RABGAP1: variants seen among roughly 807,000 people sequenced by gnomAD.
The protein encoded by RABGAP1 is rab GTPase-activating protein 1.
A neutral mutation model predicts 137.6 loss-of-function variants in RABGAP1; 23 were observed. The ratio of observed to expected loss-of-function variants is 0.17; its 90% CI spans 0.12 to 0.24. The LOEUF is 0.24. RABGAP1 is among the 10% of genes least tolerant of loss of function. RABGAP1 has a pLI of 1.00. For missense variants in RABGAP1, 906 were observed against 1,275.8 expected (o/e 0.71, Z 4.42); for synonymous variants, 451 against 450.7 (o/e 1.00, Z -0.01).
chr9:123,027,103 CTTTTCT>C (rs1564143165), intron 13 of RABGAP1, among the ~76,000 whole-genome samples: 2 of 136,012 alleles, frequency 1.5e-5, no homozygotes, highest in Non-Finnish European at 3.1e-5. Context: ...TTCTTTCTTT[CTTTTCT>C]TTTTTTTTTT....
chr9:122,959,364 C>A (rs200983062), intron 2 of RABGAP1, among the ~76,000 whole-genome samples: 2,231 of 107,624 alleles, frequency 0.021, no homozygotes, highest in African/African-American at 0.026. Context: ...TGGGGCTTTA[C>A]AAAAAAAAAA....
At chr9:122,935,633 G>A in the RABGAP1 span, among the ~76,000 whole-genome samples, 1 of 152,074 alleles carries the variant, frequency 6.6e-6, no homozygotes, top group East Asian at 1.9e-4. Flanking sequence ...GAGCCACCAC[G>A]CCCAGACAAC....
intron 10 of RABGAP1, among the ~76,000 whole-genome samples, chr9:123,004,052 A>T (rs1016517920): frequency 6.6e-6 from 1 of 152,218 alleles, no homozygotes; most frequent in African/African-American, 2.4e-5. Context: ...CTGAGAGTGT[A>T]TGTGTGTGGT....
At chr9:123,047,611 T>C (rs1007062960) in intron 13 of RABGAP1, among the ~76,000 whole-genome samples, 2 of 152,164 alleles carry the variant, frequency 1.3e-5, no homozygotes, top group Admixed American at 6.5e-5. Flanking sequence ...TTGATACTTA[T>C]TAAGATTCTT....
intron 2 of RABGAP1, among the ~76,000 whole-genome samples, chr9:122,979,280 A>G (rs1336026729): frequency 6.6e-6 from 1 of 152,070 alleles, no homozygotes; most frequent in African/African-American, 2.4e-5. Context: ...GTTTCTTTTT[A>G]TGTGCTTATT....
At chr9:123,038,476 TCC>T (rs749523262) in intron 13 of RABGAP1, among the ~76,000 whole-genome samples, 4 of 151,626 alleles carry the variant, frequency 2.6e-5, no homozygotes, top group Non-Finnish European at 5.9e-5. Flanking sequence ...TAGGAGGGTT[TCC>T]TCAGCTTTTC....
chr9:123,044,773 T>TATC (rs2033131050), intron 13 of RABGAP1, among the ~76,000 whole-genome samples: 1 of 152,128 alleles, frequency 6.6e-6, no homozygotes, highest in Non-Finnish European at 1.5e-5. Flanking sequence ...AGGTGCCTGT[T>TATC]AAATAGATTT....
rs774915346 is a variant in RABGAP1, at chr9:122,957,035, A to G, written c.-25A>G. ...GGCATTAAAAAATATTTAATCATTC[A>G]TGTGTTGAGACTCATTCTTGAGTTA... On this transcript the variant is annotated 5_prime_UTR_variant, in exon 2 of 26. An upstream start codon of the reference 5' UTR is lost. Transcript: ENST00000373647. 30 of 1,447,998 alleles carry G rather than the reference A, an allele frequency of 2.1e-5. No homozygotes were observed. Among genetic ancestry groups the G allele is most frequent in the Middle Eastern group, 3.7e-4 (2 of 5,406 alleles). The allele number at this position is 1,447,998 out of a possible 1,614,324, so 89.7% of individuals were successfully genotyped here.
Position 123,070,531 on chromosome 9 carries a change from C to A in RABGAP1, c.1983+107C>A. The stretch of plus-strand genomic sequence containing the variant: ...ATTGGGTTTGGACAGACTCTTAAGG[C>A]ATGAATTTTAACACCTATAGCTGGA... On this transcript the variant is annotated intron_variant, in intron 15 of 25. Transcript: ENST00000373647. The surrounding 1 kb of genome is among the most constrained non-coding windows in gnomAD (Gnocchi z 4.4). 1 of 1,518,292 alleles carries A rather than the reference C, an allele frequency of 6.6e-7. No individual in the cohort carries two copies. The highest frequency in any genetic ancestry group is 1.4e-5 in the African/African-American group (1 of 71,542). 94.1% of individuals were successfully genotyped at this position (1,518,292 alleles called of 1,614,324 possible).
At chr9:122,997,095 ATAAT>A (rs1211164469) in intron 8 of RABGAP1, 160 bp from the exon 9 acceptor site, 7 of 603,696 alleles carry the variant, frequency 1.2e-5, no homozygotes, top group Admixed American at 9.0e-5. Context: ...AGTTGCATAA[ATAAT>A]TGTCACATTT....
Position 123,090,396 on chromosome 9 carries a change from C to G in RABGAP1, c.2628+11C>G, listed in dbSNP as rs754197235. 2.5e-6 allele frequency: 4 copies of G among 1,584,476 alleles called. No homozygotes were observed. Among genetic ancestry groups the G allele is most frequent in the Non-Finnish European group, 3.5e-6 (4 of 1,157,068 alleles). On this transcript the variant is annotated intron_variant, in intron 21 of 25. Coordinates refer to ENST00000373647, the MANE Select transcript of RABGAP1 (RefSeq NM_012197.4). Reference sequence around the variant, plus strand: ...AAGGACCTGGATAACGTAAGTCCAACGGGTCTGAAGGGAAAGATCTCACTG... The same window carrying G: ...AAGGACCTGGATAACGTAAGTCCAAGGGGTCTGAAGGGAAAGATCTCACTG...
intron 2 of RABGAP1, among the ~76,000 whole-genome samples, chr9:122,973,641 A>G (rs1206415548): frequency 6.6e-6 from 1 of 152,236 alleles, no homozygotes; most frequent in Non-Finnish European, 1.5e-5. Context: ...TTAAAATAGC[A>G]GATAACAAAA....
intron 12 of RABGAP1, among the ~76,000 whole-genome samples, chr9:123,017,459 G>A (rs1238465273): frequency 6.6e-6 from 1 of 152,050 alleles, no homozygotes; most frequent in Non-Finnish European, 1.5e-5. Context: ...AGATATAATA[G>A]TGTCTCTTCT....
Position 123,000,058 on chromosome 9 carries a change from A to G in RABGAP1, c.1374+1292A>G, listed in dbSNP as rs973223487. 2.0e-5 allele frequency among the ~76,000 whole-genome samples: 3 copies of G among 151,998 alleles called. No homozygotes were observed. The East Asian group carries it at 5.8e-4, about 29-fold the overall frequency. On this transcript the variant is annotated intron_variant, in intron 10 of 25. Transcript: ENST00000373647. ...CTTGATTTCCTGTTTGTTCTTTTAC[A>G]TTGAGCAGGTTTTCTTTTAAATCCT...
intron 1 of RABGAP1, among the ~76,000 whole-genome samples, chr9:122,942,600 G>A (rs989143555): frequency 5.5e-5 from 8 of 145,584 alleles, no homozygotes; most frequent in African/African-American, 2.0e-4. Flanking sequence ...AACCCGGGAG[G>A]CAGAGGTTGC....
Position 123,029,313 on chromosome 9 carries a change from G to A in RABGAP1, c.1794+8854G>A, listed in dbSNP as rs2032166688. The A allele has an allele frequency of 4.6e-6, 3 of 645,840 alleles. No individual in the cohort carries two copies. In the African/African-American group the frequency reaches 5.5e-5, roughly 12 times the overall value. 40.0% of individuals were successfully genotyped at this position (645,840 alleles called of 1,614,324 possible). ...ATATGTTAATTAATCAATGTTTAAAGCTCATTTTTTTTTTTTACTTAATAA... is the reference window on the plus strand; with the variant it reads ...ATATGTTAATTAATCAATGTTTAAAACTCATTTTTTTTTTTTACTTAATAA... On this transcript the variant is annotated intron_variant, in intron 13 of 25. Coordinates refer to ENST00000373647, the MANE Select transcript of RABGAP1 (RefSeq NM_012197.4).
intron 13 of RABGAP1, among the ~76,000 whole-genome samples, chr9:123,064,927 C>CTGGCATA (rs2034118894): frequency 6.6e-6 from 1 of 152,224 alleles, no homozygotes; most frequent in African/African-American, 2.4e-5. Context: ...CATTTGAAAA[C>CTGGCATA]TGGCATATGG....
Position 123,010,485 on chromosome 9 carries a change from A to G in RABGAP1, c.1506A>G (p.Gln502=), listed in dbSNP as rs200840222. 1.7e-5 allele frequency: 27 copies of G among 1,613,988 alleles called. No individual in the cohort carries two copies. In the East Asian group the frequency reaches 6.0e-4, roughly 36 times the overall value. ...TTCGCCTGCCACAGTCTGGATCGCA[A>G]AGTTCAGTGATACCTTCTCCTCCAG... is the stretch of plus-strand genomic sequence containing the variant. The part of the protein sequence containing the change: ...PSVRLPQSGS[Q]SSVIPSPPED... The change falls in exon 11 of 26, where the codon CAA becomes CAG. Residue 502 remains glutamine (Q), a synonymous_variant. Coordinates refer to ENST00000373647, the MANE Select transcript of RABGAP1 (RefSeq NM_012197.4).
At chr9:123,099,381 T>G in intron 23 of RABGAP1, 97 bp from the exon 24 acceptor site, 1 of 1,173,814 alleles carries the variant, frequency 8.5e-7, no homozygotes, top group South Asian at 1.3e-5. Context: ...TTTGCTACTA[T>G]GTTAATTCCA....
Sources: gnomAD v4.1 joint callset for allele counts (sites outside exome capture counted in the v4.1 genomes callset) on GRCh38, gnomAD v4.1.1 for gene constraint, Gnocchi (gnomAD v3.1) non-coding constraint, MANE v1.5 for transcripts, NCBI Gene and HGNC (gene_info 2026-07-23, HGNC 2026-07-21) for gene names.